Variants in KLHL8 observed in about 807,000 individuals in gnomAD.
KLHL8 encodes kelch like family member 8.
In KLHL8, 38 loss-of-function variants were observed where a neutral mutation model predicts 63.5. That is an observed-to-expected ratio of 0.60 (90% CI 0.46 to 0.78). KLHL8 has a LOEUF of 0.78. Among genes scored for constraint, KLHL8 ranks in the 30% least tolerant of loss-of-function variants. The pLI is 0.00. For missense variants in KLHL8, 566 were observed against 752.4 expected (o/e 0.75, Z 2.90); for synonymous variants, 224 against 254.3 (o/e 0.88, Z 1.13).
intron 8 of KLHL8, among the ~76,000 whole-genome samples, chr4:87,168,257 G>A (rs867549862): frequency 6.6e-6 from 1 of 152,084 alleles, no homozygotes; most frequent in Middle Eastern, 3.2e-3. Flanking sequence ...ATCTTTCAAG[G>A]GGCCTTCAGG....
At position 87,195,374 on chromosome 4, in the gene KLHL8, A is replaced by G; in HGVS notation, c.166T>C (p.Ser56Pro). ...ANEAWKDFHG[S>P]LLRFYENGEL... The stretch of plus-strand genomic sequence containing the variant: ...CCATTTTCATAAAATCGAAGAAGAG[A>G]ACCATGAAAATCTTTCCAAGCTTCA... The change falls in exon 2 of 10, where the codon TCT (serine) becomes CCT (proline). Residue 56 changes from serine to proline, a missense_variant. By Grantham distance (74) the Ser-to-Pro change is moderately conservative. Transcript: ENST00000273963. The G allele has an allele frequency of 6.2e-7, 1 of 1,613,442 alleles. No homozygotes were observed. Among genetic ancestry groups the G allele is most frequent in the Non-Finnish European group, 8.5e-7 (1 of 1,179,914 alleles).
chr4:87,209,567 G>A (rs1248712960), intron 1 of KLHL8, among the ~76,000 whole-genome samples: 1 of 152,198 alleles, frequency 6.6e-6, no homozygotes, highest in African/African-American at 2.4e-5. Flanking sequence ...ATGAATTACA[G>A]AAAACAGGAC....
At chr4:87,192,731 G>C (rs560343696) in intron 2 of KLHL8, among the ~76,000 whole-genome samples, 2 of 145,296 alleles carry the variant, frequency 1.4e-5, no homozygotes, top group Non-Finnish European at 1.5e-5. Context: ...AAATCTAGAT[G>C]GTATAGCCTA....
chr4:87,227,009 A>T (rs1194020970), intron 1 of KLHL8, among the ~76,000 whole-genome samples: 1 of 108,562 alleles, frequency 9.2e-6, no homozygotes, highest in Non-Finnish European at 1.8e-5. Context: ...TATATATTAT[A>T]TATAAATAAT....
chr4:87,201,385 C>T lies in KLHL8; in HGVS notation c.-151-5695G>A, dbSNP rs1478605147. 2.6e-5 allele frequency among the ~76,000 whole-genome samples: 4 copies of T among 152,122 alleles called. No individual in the cohort carries two copies. The East Asian group carries it at 7.7e-4, about 29-fold the overall frequency. On this transcript the variant is annotated intron_variant, in intron 1 of 9. Transcript: ENST00000273963. ...CAAATCTTCAAATCTTCAAAATACA[C>T]AAAGCAAAACCAAAAAGAACTAAAG... is the stretch of plus-strand genomic sequence containing the variant.
At chr4:87,232,020 T>C in intron 1 of KLHL8, among the ~76,000 whole-genome samples, 1 of 152,224 alleles carries the variant, frequency 6.6e-6, no homozygotes, top group South Asian at 2.1e-4. Flanking sequence ...TCAAAGCTAA[T>C]AATTTCTAAT....
At chr4:87,217,880 C>CT (rs1315292684) in intron 1 of KLHL8, among the ~76,000 whole-genome samples, 2 of 152,124 alleles carry the variant, frequency 1.3e-5, no homozygotes, top group Non-Finnish European at 2.9e-5. Flanking sequence ...AACACAAAAA[C>CT]TATCTGAAAT....
intron 8 of KLHL8, among the ~76,000 whole-genome samples, chr4:87,166,171 A>G (rs1189610405): frequency 1.3e-5 from 2 of 152,220 alleles, no homozygotes; most frequent in Non-Finnish European, 2.9e-5. Context: ...ATTCTCTCTG[A>G]GTCTCTTGAC....
chr4:87,191,788 A>C (rs11946293), intron 2 of KLHL8, among the ~76,000 whole-genome samples: 112,192 of 149,652 alleles, frequency 0.75, 42,262 homozygotes, highest in South Asian at 0.85. Flanking sequence ...TATTGTATCC[A>C]CCACTATTTT....
At position 87,164,029 on chromosome 4, in the gene KLHL8, G is replaced by T; in HGVS notation, c.1588C>A (p.Arg530=). The T allele has an allele frequency of 1.2e-6, 2 of 1,614,050 alleles. No individual in the cohort carries two copies. The highest frequency in any genetic ancestry group is 1.7e-6 in the Non-Finnish European group (2 of 1,180,008). The change falls in exon 9 of 10, where the codon CGA becomes AGA. Residue 530 remains arginine, a synonymous_variant. Coordinates refer to ENST00000273963, the MANE Select transcript of KLHL8 (RefSeq NM_020803.5). The part of the protein sequence containing the change: ...PLSSVERYDP[R]SNKWDYVAAL... ...GCCACATAATCCCACTTGTTGCTTCGGGGGTCATACCGCTCAACTGAACTC... is the reference window on the plus strand; with the variant it reads ...GCCACATAATCCCACTTGTTGCTTCTGGGGTCATACCGCTCAACTGAACTC...
chr4:87,226,829 T>TTATAAAATATATTATA (rs1733013797), intron 1 of KLHL8, among the ~76,000 whole-genome samples: 1 of 5,392 alleles, frequency 1.9e-4, no homozygotes, highest in Non-Finnish European at 2.7e-4. Context: ...TATATATTAT[T>TTATAAAATATATTATA]TATAAATAAT....
chr4:87,237,916 GT>G (rs1733261406), intron 1 of KLHL8, among the ~76,000 whole-genome samples: 2 of 152,090 alleles, frequency 1.3e-5, no homozygotes. Context: ...ACATATCTGT[GT>G]TCTGTTAATG....
chr4:87,197,983 A>AAGCC (rs1731764478), intron 1 of KLHL8, among the ~76,000 whole-genome samples: 1 of 150,800 alleles, frequency 6.6e-6, no homozygotes, highest in Admixed American at 6.6e-5. Context: ...TAAATAAATA[A>AAGCC]AGCCATGTTC....
chr4:87,200,700 G>C (rs572369890), intron 1 of KLHL8, among the ~76,000 whole-genome samples: 1 of 152,110 alleles, frequency 6.6e-6, no homozygotes, highest in Non-Finnish European at 1.5e-5. Flanking sequence ...ATGTAAACTG[G>C]CTTCCATAGC....
In KLHL8 at chr4:87,168,700, ATATATATGTGTATATATATACG is replaced by A. The variant is rs1213149155; in HGVS notation, c.1537+1357_1537+1378del. On this transcript the variant is annotated intron_variant, in intron 8 of 9. Transcript: ENST00000273963. ...TATATATGTGTGTATATATATACGT[ATATATATGTGTATATATATACG>A]TATATATATGTGTGTATATATACGT... Among the ~76,000 whole-genome samples the A allele has an allele frequency of 2.0e-5, 3 of 146,564 alleles. No individual in the cohort carries two copies. In the Admixed American group the frequency reaches 2.1e-4, roughly 10 times the overall value.
At chr4:87,189,568 C>T (rs958745542) in intron 2 of KLHL8, among the ~76,000 whole-genome samples, 1 of 152,070 alleles carries the variant, frequency 6.6e-6, no homozygotes, top group Non-Finnish European at 1.5e-5. Flanking sequence ...CAAAGCATTC[C>T]TAACTCCACT....
chr4:87,218,693 G>C (rs185898964), intron 1 of KLHL8, among the ~76,000 whole-genome samples: 231 of 152,212 alleles, frequency 1.5e-3, no homozygotes, highest in African/African-American at 5.4e-3. Context: ...TTAAAATGAT[G>C]AAGCTAAGTG....
chr4:87,189,873 C>CA lies in KLHL8; in HGVS notation c.217-4075dup, dbSNP rs200198869. ...TGAAACCCCGTCTATACTGAAAATA[C>CA]AAAAAAAAAAATTAGCCGGGCATGG... On this transcript the variant is annotated intron_variant, in intron 2 of 9. Transcript: ENST00000273963. Among the ~76,000 whole-genome samples, 204 of 142,378 alleles carry CA rather than the reference C, an allele frequency of 1.4e-3. 3 individuals carry two copies. The highest frequency in any genetic ancestry group is 0.013 in the South Asian group (58 of 4,436). 93.4% of individuals were successfully genotyped at this position (142,378 alleles called of 152,430 possible).
chr4:87,210,040 T>C (rs1732337284), intron 1 of KLHL8, among the ~76,000 whole-genome samples: 1 of 152,072 alleles, frequency 6.6e-6, no homozygotes, highest in Non-Finnish European at 1.5e-5. Flanking sequence ...GTATTTTTTG[T>C]AGAGATGGGG....
Sources: allele counts gnomAD v4.1 joint callset (sites outside exome capture counted in the v4.1 genomes callset), GRCh38; gene constraint gnomAD v4.1.1; transcripts MANE v1.5; gene names NCBI Gene and HGNC (gene_info 2026-07-23, HGNC 2026-07-21).